Variants in LOC112694756 observed in about 807,000 individuals in gnomAD.
the LOC112694756 span, among the ~76,000 whole-genome samples, chr16:30,053,698 A>C: frequency 6.6e-6 from 1 of 152,186 alleles, no homozygotes; most frequent in Non-Finnish European, 1.5e-5. Flanking sequence ...ATTCCTGGCA[A>C]GATAAGGAGT....
At chr16:30,070,301 T>A in the LOC112694756 span, 1 of 1,331,024 alleles carries the variant, frequency 7.5e-7, no homozygotes, top group Non-Finnish European at 1.1e-6. Flanking sequence ...GGCTCCAGGC[T>A]GGCTTGCCCG....
chr16:30,058,792 C>A, the LOC112694756 span: 2 of 380,596 alleles, frequency 5.3e-6, no homozygotes, highest in Non-Finnish European at 9.3e-6. Flanking sequence ...TGCTCTGCTT[C>A]TTTCATGTGC....
the LOC112694756 span, chr16:30,064,104 G>A: frequency 3.0e-4 from 121 of 399,396 alleles, 1 homozygote; most frequent in East Asian, 2.5e-3. Flanking sequence ...CCCTCCACAC[G>A]TCAACGATTC....
At chr16:30,055,188 C>T in the LOC112694756 span, 96 of 399,400 alleles carry the variant, frequency 2.4e-4, no homozygotes, top group East Asian at 2.7e-3. Context: ...GGCTGCTGCG[C>T]GGACGGTAGC....
At chr16:30,068,869 A>C in the LOC112694756 span, 2 of 1,614,224 alleles carry the variant, frequency 1.2e-6, no homozygotes, top group Non-Finnish European at 1.7e-6. Context: ...GACGGAGCTG[A>C]CTTCGCCAAG....
chr16:30,067,708 A>T, the LOC112694756 span: 3 of 1,608,512 alleles, frequency 1.9e-6, no homozygotes, highest in Non-Finnish European at 2.6e-6. Context: ...GAAGTGGAGG[A>T]AGGAAATCCA....
At chr16:30,069,830 G>C in the LOC112694756 span, 13 of 1,614,096 alleles carry the variant, frequency 8.1e-6, no homozygotes, top group Non-Finnish European at 1.0e-5. Context: ...TGCTCTACAG[G>C]GATCACCTTC....
chr16:30,055,452 A>G, the LOC112694756 span: 1 of 398,066 alleles, frequency 2.5e-6, no homozygotes, highest in East Asian at 3.6e-5. Context: ...GTTCCAGGGC[A>G]TGAATCATGT....
At chr16:30,054,760 C>T in the LOC112694756 span, 5 of 399,238 alleles carry the variant, frequency 1.3e-5, no homozygotes, top group East Asian at 3.6e-5. Context: ...CTCCTTGTCA[C>T]CCCTTCCTCC....
the LOC112694756 span, chr16:30,067,134 A>G: frequency 6.3e-7 from 1 of 1,582,736 alleles, no homozygotes; most frequent in Non-Finnish European, 8.6e-7. Flanking sequence ...CAGGGGAGGT[A>G]GGGAACATTT....
the LOC112694756 span, among the ~76,000 whole-genome samples, chr16:30,058,570 C>CCGCCT: frequency 1.3e-5 from 2 of 151,592 alleles, no homozygotes; most frequent in Non-Finnish European, 2.9e-5. Flanking sequence ...ACTTCAACCT[C>CCGCCT]CGCCTCTCGG....
chr16:30,062,138 G>A, the LOC112694756 span, among the ~76,000 whole-genome samples: 2 of 152,042 alleles, frequency 1.3e-5, no homozygotes, highest in Non-Finnish European at 2.9e-5. Context: ...GGGAGGCAGA[G>A]GTTGCCCCAA....
chr16:30,063,986 G>A, the LOC112694756 span: 2 of 398,724 alleles, frequency 5.0e-6, no homozygotes, highest in African/African-American at 2.1e-5. Flanking sequence ...GGCAGCGCAG[G>A]GCCTGGCTCC....
chr16:30,055,361 C>T, the LOC112694756 span: 2 of 399,074 alleles, frequency 5.0e-6, no homozygotes, highest in East Asian at 7.1e-5. Flanking sequence ...CCCCACTGAG[C>T]CCTGATCTAG....
At chr16:30,057,491 G>A in the LOC112694756 span, among the ~76,000 whole-genome samples, 115 of 152,276 alleles carry the variant, frequency 7.6e-4, no homozygotes, top group Admixed American at 3.3e-3. Flanking sequence ...ACCGTCCTGA[G>A]GAATGATTAT....
At chr16:30,060,804 C>G in the LOC112694756 span, among the ~76,000 whole-genome samples, 1 of 152,120 alleles carries the variant, frequency 6.6e-6, no homozygotes, top group Non-Finnish European at 1.5e-5. Flanking sequence ...TTCTCTCTCC[C>G]CCTTCCACCA....
the LOC112694756 span, among the ~76,000 whole-genome samples, chr16:30,056,737 A>G: frequency 1.3e-5 from 2 of 151,716 alleles, no homozygotes; most frequent in Non-Finnish European, 2.9e-5. Flanking sequence ...AGTAGCTGAG[A>G]CTATAGGTGC....
At chr16:30,056,975 A>G in the LOC112694756 span, among the ~76,000 whole-genome samples, 4 of 148,662 alleles carry the variant, frequency 2.7e-5, no homozygotes, top group African/African-American at 1.0e-4. Context: ...CAATGGTGCA[A>G]TCTCGGCTCA....
the LOC112694756 span, among the ~76,000 whole-genome samples, chr16:30,057,705 C>CA: frequency 4.6e-5 from 7 of 152,092 alleles, 1 homozygote; most frequent in Admixed American, 4.6e-4. Context: ...TTGCCAGGGG[C>CA]AGTCAGCAGA....
Sources: allele counts gnomAD v4.1 joint callset (sites outside exome capture counted in the v4.1 genomes callset), GRCh38; gene constraint gnomAD v4.1.1; transcripts MANE v1.5.